The following PPM1L variants were observed in gnomAD, a reference collection of about 807,000 sequenced individuals.
PPM1L encodes protein phosphatase, Mg2+/Mn2+ dependent 1L.
Under a neutral mutation model 31.4 loss-of-function variants are expected in PPM1L, and 13 were observed. The observed-to-expected ratio is 0.41, with a 90% CI of 0.27 to 0.66. PPM1L has a LOEUF of 0.66. Ranked by LOEUF, PPM1L falls within the 30% of genes least tolerant of loss-of-function variation. PPM1L has a pLI of 0.29. For synonymous variants in PPM1L, 184 were observed against 175.4 expected, an observed-to-expected ratio of 1.05 and a Z score of -0.39; for missense variants, 326 against 453.7, an observed-to-expected ratio of 0.72 and a Z score of 2.56.
intron 2 of PPM1L, among the ~76,000 whole-genome samples, chr3:161,037,396 C>T (rs1385403016): frequency 6.7e-6 from 1 of 149,870 alleles, no homozygotes; most frequent in Non-Finnish European, 1.5e-5. Flanking sequence ...TGGGAATGTA[C>T]CCTCCCCTAC....
intron 1 of PPM1L, among the ~76,000 whole-genome samples, chr3:160,921,923 A>G (rs1714419434): frequency 6.6e-6 from 1 of 152,164 alleles, no homozygotes; most frequent in East Asian, 1.9e-4. Context: ...CTCATCACCA[A>G]CTAAGGAAAC....
rs147838169 is a variant in PPM1L at position 160,957,365 on chromosome 3, T to C, written c.400-4371T>C. ...TGTGAATTGTGCTGCAATGAGCATA[T>C]GCGAGCATGTGTCTTTATAATAAAA... On this transcript the variant is annotated intron_variant, in intron 1 of 3. Coordinates refer to ENST00000498165, the MANE Select transcript of PPM1L (RefSeq NM_139245.4). Among the ~76,000 whole-genome samples the C allele has an allele frequency of 3.2e-3, 490 of 152,312 alleles. 3 individuals are homozygous for C. The highest frequency in any genetic ancestry group is 0.011 in the African/African-American group (459 of 41,566).
chr3:160,918,297 T>G (rs977036248), intron 1 of PPM1L, among the ~76,000 whole-genome samples: 4 of 152,258 alleles, frequency 2.6e-5, no homozygotes, highest in Non-Finnish European at 5.9e-5. Flanking sequence ...GGTATAGAGT[T>G]AATACATAAT....
Position 160,832,587 on chromosome 3 carries a change from A to G in PPM1L, c.399+75880A>G, listed in dbSNP as rs77224427. Among the ~76,000 whole-genome samples, 640 of 152,296 alleles carry G rather than the reference A, an allele frequency of 4.2e-3. 5 individuals are homozygous for G. The highest frequency in any genetic ancestry group is 7.4e-3 in the Non-Finnish European group (503 of 68,038). ...AATTTTGAAATGATTGTAAATTCACAGGAAGTTGCAGAAATGGCAGATAGA... is the reference window on the plus strand; with the variant it reads ...AATTTTGAAATGATTGTAAATTCACGGGAAGTTGCAGAAATGGCAGATAGA... On this transcript the variant is annotated intron_variant, in intron 1 of 3. Transcript: ENST00000498165.
chr3:160,870,065 T>C (rs1712248045), intron 1 of PPM1L, among the ~76,000 whole-genome samples: 1 of 152,178 alleles, frequency 6.6e-6, no homozygotes, highest in Admixed American at 6.5e-5. Context: ...TTAGTATTTC[T>C]TGCCAGCACC....
intron 1 of PPM1L, among the ~76,000 whole-genome samples, chr3:160,806,703 G>A (rs560061730): frequency 6.6e-6 from 1 of 151,842 alleles, no homozygotes; most frequent in South Asian, 2.1e-4. Context: ...CTCAGAATTC[G>A]AATGTAGCCT....
chr3:160,802,453 G>T (rs951618586), intron 1 of PPM1L, among the ~76,000 whole-genome samples: 2 of 152,178 alleles, frequency 1.3e-5, no homozygotes, highest in East Asian at 3.9e-4. Flanking sequence ...GTGTTAGAAC[G>T]TTTTTATTTT....
At chr3:161,015,819 A>T (rs768759655) in intron 2 of PPM1L, among the ~76,000 whole-genome samples, 13 of 152,312 alleles carry the variant, frequency 8.5e-5, no homozygotes, top group Admixed American at 2.0e-4. Flanking sequence ...GGATAAAAAC[A>T]TGGCATTTGT....
chr3:160,806,782 G>C (rs1458092518), intron 1 of PPM1L, among the ~76,000 whole-genome samples: 1 of 150,158 alleles, frequency 6.7e-6, no homozygotes, highest in Non-Finnish European at 1.5e-5. Flanking sequence ...AGAGAGAGAG[G>C]AGGGGAGAGA....
At chr3:160,973,829 G>T (rs1474022570) in intron 2 of PPM1L, among the ~76,000 whole-genome samples, 7 of 95,542 alleles carry the variant, frequency 7.3e-5, no homozygotes, top group Non-Finnish European at 9.4e-5. Context: ...ATTTTTTTTT[G>T]AGAATGATTC....
chr3:160,804,334 G>T (rs1042542361), intron 1 of PPM1L, among the ~76,000 whole-genome samples: 2 of 152,166 alleles, frequency 1.3e-5, no homozygotes, highest in African/African-American at 4.8e-5. Context: ...AGCTTCCAGA[G>T]ATTTAATATT....
chr3:160,926,341 A>G (rs1387359268), intron 1 of PPM1L, among the ~76,000 whole-genome samples: 1 of 152,206 alleles, frequency 6.6e-6, no homozygotes, highest in African/African-American at 2.4e-5. Context: ...CAGACAATCT[A>G]GCTAGGTCCT....
intron 3 of PPM1L, among the ~76,000 whole-genome samples, chr3:161,067,210 T>C (rs1189510510): frequency 6.6e-6 from 1 of 152,176 alleles, no homozygotes; most frequent in East Asian, 1.9e-4. Context: ...CATTTTATGC[T>C]TCCTCTTCTT....
intron 1 of PPM1L, among the ~76,000 whole-genome samples, chr3:160,791,026 G>A (rs534507657): frequency 1.3e-5 from 2 of 151,970 alleles, no homozygotes; most frequent in African/African-American, 4.8e-5. Context: ...AGATCCAGAA[G>A]GTCTTTTGAC....
intron 1 of PPM1L, among the ~76,000 whole-genome samples, chr3:160,912,566 T>A (rs1714012408): frequency 6.6e-6 from 1 of 152,168 alleles, no homozygotes; most frequent in African/African-American, 2.4e-5. Flanking sequence ...TTTACTAAGG[T>A]CTGAAATGCC....
intron 1 of PPM1L, among the ~76,000 whole-genome samples, chr3:160,825,297 T>G (rs1337595728): frequency 2.0e-5 from 3 of 152,146 alleles, no homozygotes; most frequent in Non-Finnish European, 4.4e-5. Context: ...AATAACAATA[T>G]TATTAATAAT....
At chr3:160,768,141 G>C (rs554227054) in intron 1 of PPM1L, among the ~76,000 whole-genome samples, 39 of 152,222 alleles carry the variant, frequency 2.6e-4, no homozygotes, top group African/African-American at 9.1e-4. Context: ...TGGTTTATTT[G>C]AGCACTTAGA....
chr3:160,971,525 C>T (rs923867357), intron 2 of PPM1L, among the ~76,000 whole-genome samples: 11 of 151,994 alleles, frequency 7.2e-5, no homozygotes, highest in African/African-American at 1.5e-4. Flanking sequence ...TTATAGGGGA[C>T]GGTAGATGTG....
chr3:160,920,639 TCACACA>T (rs1224798497), intron 1 of PPM1L, among the ~76,000 whole-genome samples: 2 of 63,322 alleles, frequency 3.2e-5, no homozygotes, highest in Non-Finnish European at 8.0e-5. Flanking sequence ...ACACACACAC[TCACACA>T]CACACACACA....
Sources: gnomAD v4.1 joint callset for allele counts (sites outside exome capture counted in the v4.1 genomes callset) on GRCh38, gnomAD v4.1.1 for gene constraint, MANE v1.5 for transcripts, NCBI Gene and HGNC (gene_info 2026-07-23, HGNC 2026-07-21) for gene names.